Variants in ZNF888 observed in about 807,000 individuals in gnomAD.
ZNF888 encodes zinc finger protein 888.
A neutral mutation model predicts 7.2 loss-of-function variants in ZNF888; 5 were observed. That is an observed-to-expected ratio of 0.70 (90% CI 0.36 to 1.46). The LOEUF (loss-of-function observed/expected upper bound fraction) is 1.46, where lower values mean the gene tolerates loss of function less well. Among genes scored for constraint, ZNF888 ranks in the 40% most tolerant of loss-of-function variants. The pLI is 0.03. For synonymous variants in ZNF888, 240 were observed against 284.3 expected (o/e 0.84, Z 1.57); for missense variants, 716 against 858.0 (o/e 0.83, Z 2.07).
In ZNF888 at chr19:52,923,411, C is replaced by T. The variant is rs1388144494; in HGVS notation, c.-220G>A. The stretch of plus-strand genomic sequence containing the variant: ...CAGTCCACGCGATCCGCTTCCTGGT[C>T]CGGGCGAATCTACAAGCACAGGACA... On this transcript the variant is annotated 5_prime_UTR_variant, in exon 1 of 5. Coordinates refer to ENST00000638862, the MANE Select transcript of ZNF888 (RefSeq NM_001393938.1). The T allele has an allele frequency of 1.5e-5, 15 of 985,310 alleles. No homozygotes were observed. Among genetic ancestry groups the T allele is most frequent in the Non-Finnish European group, 1.8e-5 (15 of 830,044 alleles). The allele number at this position is 985,310 out of a possible 1,614,324, so 61.0% of individuals were successfully genotyped here. A position where few individuals can be genotyped will look rare whatever the true frequency, so the allele number is the denominator to read the frequency against.
chr19:52,910,997 C>A (rs1479557242), intron 4 of ZNF888, among the ~76,000 whole-genome samples: 2 of 152,032 alleles, frequency 1.3e-5, no homozygotes, highest in Non-Finnish European at 2.9e-5. Context: ...TCTCCTGCTT[C>A]AACCTCCCAA....
intron 4 of ZNF888, among the ~76,000 whole-genome samples, chr19:52,913,320 C>CTTTTTTT (rs34481338): frequency 2.1e-4 from 19 of 92,052 alleles, no homozygotes; most frequent in South Asian, 8.0e-4. Context: ...GTTATGGATT[C>CTTTTTTT]TTTTTTTTTT....
intron 4 of ZNF888, chr19:52,914,234 T>C: frequency 4.3e-6 from 2 of 465,870 alleles, no homozygotes; most frequent in Non-Finnish European, 5.6e-6. Context: ...TGCAGAGAGT[T>C]TCCCCACACA....
At chr19:52,910,639 G>T (rs1293926440) in intron 4 of ZNF888, among the ~76,000 whole-genome samples, 1 of 152,138 alleles carries the variant, frequency 6.6e-6, no homozygotes, top group East Asian at 1.9e-4. Flanking sequence ...CTCATTGCCT[G>T]TTCCTCTTTC....
At chr19:52,916,661 A>G (rs2064755271) in intron 3 of ZNF888, among the ~76,000 whole-genome samples, 1 of 143,012 alleles carries the variant, frequency 7.0e-6, no homozygotes, top group Non-Finnish European at 1.5e-5. Flanking sequence ...ATATATAAAA[A>G]GTAGCAAGTT....
chr19:52,912,397 G>A (rs1258301799), intron 4 of ZNF888, among the ~76,000 whole-genome samples: 3 of 151,532 alleles, frequency 2.0e-5, no homozygotes, highest in Non-Finnish European at 4.4e-5. Flanking sequence ...ACAGGCATGA[G>A]CCACCGTGCC....
intron 2 of ZNF888, chr19:52,918,262 G>A: frequency 1.1e-6 from 1 of 951,982 alleles, no homozygotes. Flanking sequence ...GACCAAGGTA[G>A]GTACATTGCT....
At chr19:52,908,347 T>C (rs927824432) in intron 4 of ZNF888, among the ~76,000 whole-genome samples, 168 bp from the exon 5 acceptor site, 1 of 152,170 alleles carries the variant, frequency 6.6e-6, no homozygotes, top group Non-Finnish European at 1.5e-5. Context: ...TGAAGGGCGA[T>C]TACATGTACT....
chr19:52,919,481 G>A (rs28647955), intron 1 of ZNF888, among the ~76,000 whole-genome samples: 4,008 of 69,462 alleles, frequency 0.058, 1,530 homozygotes, highest in African/African-American at 0.17. Context: ...CCAGGCTGGA[G>A]TGCAGTGGCG....
At chr19:52,908,844 CAAAAA>C (rs11326533) in intron 4 of ZNF888, among the ~76,000 whole-genome samples, 3 of 81,258 alleles carry the variant, frequency 3.7e-5, no homozygotes, top group Non-Finnish European at 4.9e-5. Flanking sequence ...AGACTCGAGT[CAAAAA>C]AAAAAAAAAA....
At chr19:52,915,357 G>A (rs987046491) in intron 3 of ZNF888, 35 bp from the exon 4 acceptor site, 1 of 1,612,654 alleles carries the variant, frequency 6.2e-7, no homozygotes, top group Non-Finnish European at 8.5e-7. Flanking sequence ...AAATGGTTAT[G>A]AGAGGAGATC....
At chr19:52,912,793 G>A (rs2064701917) in intron 4 of ZNF888, among the ~76,000 whole-genome samples, 4 of 151,876 alleles carry the variant, frequency 2.6e-5, no homozygotes, top group Non-Finnish European at 1.5e-5. Flanking sequence ...CATATACAAA[G>A]TTCTCCAGTA....
intron 4 of ZNF888, among the ~76,000 whole-genome samples, chr19:52,912,887 C>T (rs1046927013): frequency 2.6e-5 from 4 of 152,040 alleles, no homozygotes; most frequent in Non-Finnish European, 5.9e-5. Context: ...CCAGGCAGAT[C>T]AACTGAGGTC....
chr19:52,907,062 A>T lies in ZNF888; in HGVS notation c.1260T>A (p.Gly420=). 6.2e-7 allele frequency: 1 copy of T among 1,609,550 alleles called. No homozygotes were observed. Among genetic ancestry groups the T allele is most frequent in the Non-Finnish European group, 8.5e-7 (1 of 1,178,758 alleles). ...YKCNECGKTF[G]ENSALLVHKT... is the part of the protein sequence containing the mutation. ...TGTGAACTAAGAGGGCTGAATTTTCACCAAACGTTTTGCCACACTCATTAC... is the reference window on the plus strand; with the variant it reads ...TGTGAACTAAGAGGGCTGAATTTTCTCCAAACGTTTTGCCACACTCATTAC... Residue 420 remains glycine, a synonymous_variant, in exon 5 of 5, where the codon GGT becomes GGA. Transcript: ENST00000638862.
In ZNF888 at chr19:52,906,200, G is replaced by T. The variant is rs1309594123; in HGVS notation, c.2122C>A (p.His708Asn). Residue 708 changes from histidine (H) to asparagine (N), a missense_variant, in exon 5 of 5, where the codon CAT becomes AAT. Coordinates refer to ENST00000638862, the MANE Select transcript of ZNF888 (RefSeq NM_001393938.1). ...TTCCCTACACCATGGATTGCCTGAT[G>T]GTGAATAAGTGTTGACTGTGCACGA... is the stretch of plus-strand genomic sequence containing the variant. Reference protein sequence around the residue: ...AFRAQSTLIHHQAIHGVGKLD With the variant: ...AFRAQSTLIHNQAIHGVGKLD The T allele has an allele frequency of 1.4e-5, 23 of 1,610,654 alleles. No individual in the cohort carries two copies. Among genetic ancestry groups the T allele is most frequent in the Non-Finnish European group, 1.9e-5 (22 of 1,178,122 alleles).
At chr19:52,913,774 A>C (rs1003909199) in intron 4 of ZNF888, 23 of 981,196 alleles carry the variant, frequency 2.3e-5, no homozygotes, top group Non-Finnish European at 2.7e-5. Flanking sequence ...TTATATTCAC[A>C]CTGGAATCAT....
chr19:52,915,450 A>T, intron 3 of ZNF888, 128 bp from the exon 4 acceptor site: 3 of 1,562,582 alleles, frequency 1.9e-6, no homozygotes, highest in South Asian at 2.3e-5. Context: ...CGAGTAAGGG[A>T]TTCTTCACCA....
intron 1 of ZNF888, among the ~76,000 whole-genome samples, chr19:52,920,506 A>G (rs1300848169): frequency 8.7e-5 from 4 of 45,802 alleles, no homozygotes; most frequent in East Asian, 3.6e-4. Context: ...AAAAAAAAAA[A>G]AAAAAAAAAA....
In ZNF888 at chr19:52,908,913, G is replaced by A. The variant is rs147439519; in HGVS notation, c.143-734C>T. Among the ~76,000 whole-genome samples the A allele has an allele frequency of 7.8e-3, 1,170 of 149,904 alleles. 15 individuals carry two copies. The highest frequency in any genetic ancestry group is 0.027 in the African/African-American group (1,081 of 40,792). On this transcript the variant is annotated intron_variant, in intron 4 of 4. Transcript: ENST00000638862. ...AGTAATCCCACTACTTTGGGAGGCC[G>A]AGGCAGGTGGATCTCCTCAGATCAG...
Sources: allele counts gnomAD v4.1 joint callset (sites outside exome capture counted in the v4.1 genomes callset), GRCh38; gene constraint gnomAD v4.1.1; transcripts MANE v1.5; gene names NCBI Gene and HGNC (gene_info 2026-07-23, HGNC 2026-07-21).